CLHC1: variants seen among roughly 807,000 people sequenced by gnomAD.
CLHC1 encodes the protein clathrin heavy chain linker domain containing 1.
A neutral mutation model predicts 69.5 loss-of-function variants in CLHC1; 72 were observed. The observed-to-expected ratio is 1.04, with a 90% CI of 0.86 to 1.26. The LOEUF (loss-of-function observed/expected upper bound fraction) is 1.26. Ranked by LOEUF, CLHC1 falls within the 50% of genes most tolerant of loss-of-function variation. The pLI, the probability that CLHC1 is intolerant of heterozygous loss-of-function variation, is 0.00. For synonymous variants in CLHC1, 223 were observed against 224.3 expected, an observed-to-expected ratio of 0.99 and a Z score of 0.05; for missense variants, 790 against 679.3, an observed-to-expected ratio of 1.16 and a Z score of -1.81.
At chr2:55,228,550 G>A (rs1032861355) in intron 1 of CLHC1, among the ~76,000 whole-genome samples, 5 of 152,150 alleles carry the variant, frequency 3.3e-5, no homozygotes, top group African/African-American at 1.2e-4. Context: ...AGTGTTCCAG[G>A]TCTAGTAAAT....
chr2:55,231,625 G>T (rs1293998667), intron 1 of CLHC1, among the ~76,000 whole-genome samples: 2 of 152,128 alleles, frequency 1.3e-5, no homozygotes, highest in Non-Finnish European at 2.9e-5. Flanking sequence ...AGAGGATGAA[G>T]AAATAAATAC....
chr2:55,173,913 T>C lies in CLHC1; in HGVS notation c.*1877A>G, dbSNP rs1454063862. On this transcript the variant is annotated 3_prime_UTR_variant, in exon 13 of 13. Coordinates refer to ENST00000401408, the MANE Select transcript of CLHC1 (RefSeq NM_152385.4). ...TGTTTAAGCTTTCTCTAGATTTATA[T>C]ACCTACTTTATCCTCCTGGCTTTCA... Among the ~76,000 whole-genome samples, 1 of 151,840 alleles carries C rather than the reference T, an allele frequency of 6.6e-6. No individual in the cohort carries two copies. Among genetic ancestry groups the C allele is most frequent in the Non-Finnish European group, 1.5e-5 (1 of 68,014 alleles).
intron 4 of CLHC1, among the ~76,000 whole-genome samples, chr2:55,216,762 A>G (rs944564488): frequency 2.6e-5 from 4 of 152,082 alleles, no homozygotes; most frequent in African/African-American, 7.2e-5. Context: ...GCCTCAAGCA[A>G]TCCTCCTACC....
In CLHC1 at chr2:55,180,432, A is replaced by C. The variant is rs950735530; in HGVS notation, c.1384+78T>G. On this transcript the variant is annotated intron_variant, in intron 11 of 12. Coordinates refer to ENST00000401408, the MANE Select transcript of CLHC1 (RefSeq NM_152385.4). ...TGATTTTATAACGTAAGTTTAAAGT[A>C]GTGCTTGCTATTATGGGTAATCTTA... 4.0e-6 allele frequency: 4 copies of C among 989,240 alleles called. No homozygotes were observed. The African/African-American group carries it at 6.5e-5, about 16-fold the overall frequency. 61.3% of individuals were successfully genotyped at this position (989,240 alleles called of 1,614,324 possible). A position where few individuals can be genotyped will look rare whatever the true frequency, so the allele number is the denominator to read the frequency against.
At chr2:55,191,566 T>C (rs1458272775) in intron 9 of CLHC1, among the ~76,000 whole-genome samples, 2 of 152,100 alleles carry the variant, frequency 1.3e-5, no homozygotes, top group Non-Finnish European at 2.9e-5. Flanking sequence ...AAATGAAGAA[T>C]AGATACGGTA....
intron 9 of CLHC1, among the ~76,000 whole-genome samples, chr2:55,191,274 C>T (rs1670899623): frequency 6.6e-6 from 1 of 152,180 alleles, no homozygotes. Flanking sequence ...CGGAGTCTCT[C>T]TCTGTCACTC....
At chr2:55,177,226 T>G (rs1669476579) in intron 12 of CLHC1, among the ~76,000 whole-genome samples, 1 of 152,208 alleles carries the variant, frequency 6.6e-6, no homozygotes, top group African/African-American at 2.4e-5. Context: ...GAATAACATA[T>G]GTAAATACAC....
chr2:55,231,735 C>T (rs1355648266), intron 1 of CLHC1, among the ~76,000 whole-genome samples: 1 of 152,208 alleles, frequency 6.6e-6, no homozygotes, highest in African/African-American at 2.4e-5. Context: ...CCCATACATA[C>T]TCCAAAAACT....
chr2:55,215,335 T>G (rs564188394), intron 4 of CLHC1, among the ~76,000 whole-genome samples: 1 of 152,350 alleles, frequency 6.6e-6, no homozygotes, highest in African/African-American at 2.4e-5. Context: ...TTGTCCCATA[T>G]TCTCTTCATT....
At chr2:55,201,722 T>C (rs1436628905) in intron 9 of CLHC1, among the ~76,000 whole-genome samples, 1 of 152,046 alleles carries the variant, frequency 6.6e-6, no homozygotes. Context: ...AAAAGAAAAC[T>C]ACATGTCAAT....
In CLHC1 at chr2:55,208,620, A is replaced by G; in HGVS notation, c.899+6T>C. On this transcript the variant is annotated splice_donor_region_variant and intron_variant, in intron 8 of 12. Transcript: ENST00000401408. ...TCTGAAAAATTAAAGCTTTTAAAAT[A>G]TTTGCCTTTCAATGTAGTGAAGCAT... is the stretch of plus-strand genomic sequence containing the variant. 6.4e-7 allele frequency: 1 copy of G among 1,564,226 alleles called. No individual in the cohort carries two copies. Among genetic ancestry groups the G allele is most frequent in the Non-Finnish European group, 8.8e-7 (1 of 1,137,024 alleles).
chr2:55,210,028 T>C (rs1246930450), intron 5 of CLHC1, among the ~76,000 whole-genome samples, 197 bp from the exon 6 acceptor site: 2 of 152,182 alleles, frequency 1.3e-5, no homozygotes, highest in African/African-American at 4.8e-5. Flanking sequence ...TATTTATTTA[T>C]TCATTTATTT....
intron 3 of CLHC1, among the ~76,000 whole-genome samples, chr2:55,219,980 C>G (rs1673956701): frequency 6.6e-6 from 1 of 152,140 alleles, no homozygotes. Context: ...AAGCGATGCT[C>G]CTACCAATCC....
At chr2:55,213,083 T>C (rs1167442565) in intron 4 of CLHC1, among the ~76,000 whole-genome samples, 1 of 152,212 alleles carries the variant, frequency 6.6e-6, no homozygotes, top group African/African-American at 2.4e-5. Flanking sequence ...AAAATTACTT[T>C]TGTAATTTAA....
chr2:55,224,758 T>C, intron 2 of CLHC1: 1 of 327,040 alleles, frequency 3.1e-6, no homozygotes, highest in South Asian at 3.2e-5. Flanking sequence ...CATGAGAACA[T>C]CAGTGCTTTT....
At chr2:55,222,083 T>C (rs372711142) in intron 3 of CLHC1, 152 bp downstream of exon 3, 85 of 604,884 alleles carry the variant, frequency 1.4e-4, no homozygotes, top group South Asian at 9.4e-4. Flanking sequence ...TTCCCATTCA[T>C]GCCTTTCTGA....
intron 2 of CLHC1, 129 bp downstream of exon 2, chr2:55,227,903 C>T (rs1374943797): frequency 6.6e-6 from 1 of 152,104 alleles, no homozygotes; most frequent in Admixed American, 6.6e-5. Context: ...CCCCATATCC[C>T]CATTCCCACA....
At chr2:55,221,101 TAA>T (rs1674069439) in intron 3 of CLHC1, among the ~76,000 whole-genome samples, 1 of 152,190 alleles carries the variant, frequency 6.6e-6, no homozygotes, top group Admixed American at 6.5e-5. Context: ...AGAGGAGAAA[TAA>T]GAGTCATAGT....
Position 55,208,865 on chromosome 2 carries a change from C to CCTTTTTT in CLHC1, c.815-156_815-155insAAAAAAG, listed in dbSNP as rs1553353361. On this transcript the variant is annotated intron_variant, in intron 7 of 12. Transcript: ENST00000401408. ...TTAGTGGCCTCCCCGTCCCTTTCCT[C>CCTTTTTT]TTTTTTTTTTTTTTTTTTTTTTTGA... Among the ~76,000 whole-genome samples, 4 of 90,820 alleles carry CCTTTTTT rather than the reference C, an allele frequency of 4.4e-5. 1 individual carries two copies. Among genetic ancestry groups the CCTTTTTT allele is most frequent in the African/African-American group, 8.0e-5 (2 of 24,956 alleles). 59.6% of individuals were successfully genotyped at this position (90,820 alleles called of 152,430 possible). A position where few individuals can be genotyped will look rare whatever the true frequency, so the allele number is the denominator to read the frequency against.
Sources: allele counts gnomAD v4.1 joint callset (sites outside exome capture counted in the v4.1 genomes callset), GRCh38; gene constraint gnomAD v4.1.1; transcripts MANE v1.5; gene names NCBI Gene and HGNC (gene_info 2026-07-23, HGNC 2026-07-21).